The following PCMT1 variants were observed in gnomAD, a reference collection of about 807,000 sequenced individuals.
PCMT1 encodes protein-L-isoaspartate (D-aspartate) O-methyltransferase.
Under a neutral mutation model 29.2 loss-of-function variants are expected in PCMT1, and 9 were observed. The ratio of observed to expected loss-of-function variants is 0.31; its 90% CI spans 0.19 to 0.54. The LOEUF is 0.54. Ranked by LOEUF, PCMT1 falls within the 20% of genes least tolerant of loss-of-function variation. The pLI, the probability that PCMT1 is intolerant of heterozygous loss-of-function variation, is 0.95. For missense variants in PCMT1, 184 were observed against 282.2 expected (o/e 0.65, Z 2.49); for synonymous variants, 98 against 97.5 (o/e 1.00, Z -0.03).
At chr6:149,762,544 C>G (rs1405401455) in intron 1 of PCMT1, among the ~76,000 whole-genome samples, 5 of 9,530 alleles carry the variant, frequency 5.2e-4, no homozygotes, top group African/African-American at 7.8e-4. Context: ...ATATATATAT[C>G]TATGATATAT....
At chr6:149,786,490 C>T (rs1788091469) in intron 3 of PCMT1, among the ~76,000 whole-genome samples, 1 of 136,932 alleles carries the variant, frequency 7.3e-6, no homozygotes, top group African/African-American at 3.0e-5. Flanking sequence ...GGGTGGCTGC[C>T]AGGCGGAGGG....
intron 4 of PCMT1, among the ~76,000 whole-genome samples, chr6:149,792,088 G>A (rs1271786597): frequency 6.6e-6 from 1 of 152,198 alleles, no homozygotes; most frequent in Admixed American, 6.5e-5. Flanking sequence ...GCCGAGGCAG[G>A]TGGATCACCT....
chr6:149,806,580 TTTTTGTTTTGTTTTA>T (rs1455031982), intron 7 of PCMT1, among the ~76,000 whole-genome samples: 3 of 151,970 alleles, frequency 2.0e-5, no homozygotes, highest in Non-Finnish European at 2.9e-5. Flanking sequence ...TCCGTTTTTG[TTTTTGTTTTGTTTTA>T]TTTTGTTTTG....
chr6:149,753,524 G>T (rs1310280080), intron 1 of PCMT1, among the ~76,000 whole-genome samples: 3 of 152,106 alleles, frequency 2.0e-5, no homozygotes, highest in African/African-American at 7.2e-5. Context: ...TAGAGACAAG[G>T]TTTCTCCATG....
chr6:149,806,878 C>T (rs1776033495), intron 7 of PCMT1, among the ~76,000 whole-genome samples: 1 of 152,190 alleles, frequency 6.6e-6, no homozygotes, highest in Admixed American at 6.5e-5. Context: ...AGGCTTGAGC[C>T]ACCAGCCTCA....
At chr6:149,782,779 CAG>C (rs540143124) in intron 3 of PCMT1, among the ~76,000 whole-genome samples, 58 of 151,408 alleles carry the variant, frequency 3.8e-4, no homozygotes, top group Non-Finnish European at 6.8e-4. Flanking sequence ...AAGAGCAAGA[CAG>C]GGAAAAAAGC....
At chr6:149,781,204 G>GT (rs1408665915) in intron 3 of PCMT1, among the ~76,000 whole-genome samples, 45 of 24,366 alleles carry the variant, frequency 1.8e-3, no homozygotes, top group South Asian at 0.013. Context: ...TTTTTTTTTT[G>GT]TTTTTTTTTT....
intron 6 of PCMT1, chr6:149,799,051 C>G (rs531116145): frequency 6.6e-6 from 1 of 152,238 alleles, no homozygotes; most frequent in Non-Finnish European, 1.5e-5. Context: ...GGTGTGGTGG[C>G]TCACACTTCT....
Position 149,771,199 on chromosome 6 carries a change from G to A in PCMT1, c.93G>A (p.Val31=). The A allele has an allele frequency of 6.2e-7, 1 of 1,612,916 alleles. No individual in the cohort carries two copies. Among genetic ancestry groups the A allele is most frequent in the Non-Finnish European group, 8.5e-7 (1 of 1,179,106 alleles). The change falls in exon 2 of 8, where the codon GTG becomes GTA. Residue 31 remains valine, a synonymous_variant. Coordinates refer to ENST00000464889, the MANE Select transcript of PCMT1 (RefSeq NM_001360452.2). ...TCAAGACAGATAAAGTATTTGAAGT[G>A]ATGCTGGCTACAGACCGCTCCCACT... ...GIIKTDKVFE[V]MLATDRSHYA... is the part of the protein sequence containing the mutation.
intron 1 of PCMT1, among the ~76,000 whole-genome samples, chr6:149,769,213 C>A (rs558675568): frequency 9.3e-5 from 14 of 151,234 alleles, no homozygotes; most frequent in Non-Finnish European, 1.9e-4. Context: ...TTGTGTACCC[C>A]CTCCTGTTAG....
intron 4 of PCMT1, among the ~76,000 whole-genome samples, chr6:149,790,983 G>GCAA (rs370536400): frequency 1.3e-5 from 2 of 151,968 alleles, no homozygotes; most frequent in African/African-American, 4.8e-5. Flanking sequence ...TCCAGCCTGG[G>GCAA]CAACAACAAC....
chr6:149,787,302 T>TGGGGAGAGGGAG (rs1331187250), intron 3 of PCMT1, among the ~76,000 whole-genome samples: 1 of 145,384 alleles, frequency 6.9e-6, no homozygotes, highest in Non-Finnish European at 1.5e-5. Context: ...AGGGAGACCG[T>TGGGGAGAGGGAG]GGGGAGAGGG....
rs766527390 is a variant in PCMT1, at chr6:149,802,184, T to G, written c.505-16T>G. On this transcript the variant is annotated splice_polypyrimidine_tract_variant and intron_variant, in intron 6 of 7. Transcript: ENST00000464889. ...TGTAACTTGGTGATGTATGTGCTTT[T>G]TTTTTTTTCTTTTAGCTAATAGATC... The G allele has an allele frequency of 2.6e-6, 4 of 1,533,272 alleles. No homozygotes were observed. Among genetic ancestry groups the G allele is most frequent in the Non-Finnish European group, 3.5e-6 (4 of 1,135,756 alleles). The allele number at this position is 1,533,272 out of a possible 1,614,324, so 95.0% of individuals were successfully genotyped here.
intron 2 of PCMT1, chr6:149,772,147 A>G (rs540027239): frequency 1.1e-4 from 52 of 455,912 alleles, no homozygotes; most frequent in South Asian, 7.9e-4. Context: ...CTTTTGACGC[A>G]CTATAACAGT....
chr6:149,782,886 G>A (rs1403786861), intron 3 of PCMT1, among the ~76,000 whole-genome samples: 1 of 152,164 alleles, frequency 6.6e-6, no homozygotes, highest in Non-Finnish European at 1.5e-5. Context: ...GCTGGGTGCA[G>A]TGGCTGATGC....
chr6:149,758,875 A>C (rs9480031), intron 1 of PCMT1, among the ~76,000 whole-genome samples: 66,316 of 151,532 alleles, frequency 0.44, 15,487 homozygotes, highest in East Asian at 0.81. Context: ...TTATATTGTG[A>C]ATTTTTTTTT....
chr6:149,762,830 ATG>A lies in PCMT1; in HGVS notation c.56-8331_56-8330del, dbSNP rs1221873050. Among the ~76,000 whole-genome samples, 4 of 54,418 alleles carry A rather than the reference ATG, an allele frequency of 7.4e-5. 1 individual carries two copies. Among genetic ancestry groups the A allele is most frequent in the African/African-American group, 3.6e-4 (2 of 5,568 alleles). The allele number at this position is 54,418 out of a possible 152,430, so 35.7% of individuals were successfully genotyped here. A position where few individuals can be genotyped will look rare whatever the true frequency, so the allele number is the denominator to read the frequency against. On this transcript the variant is annotated intron_variant, in intron 1 of 7. Coordinates refer to ENST00000464889, the MANE Select transcript of PCMT1 (RefSeq NM_001360452.2). ...ATATCTATGATAATCTATGATATAT[ATG>A]ATATATATATCTATGATATATATCT...
chr6:149,787,327 C>G (rs1292034157), intron 3 of PCMT1, among the ~76,000 whole-genome samples: 1 of 133,816 alleles, frequency 7.5e-6, no homozygotes, highest in East Asian at 2.9e-4. Flanking sequence ...GGAGAGGGAG[C>G]GGGAGCGGGA....
chr6:149,802,509 A>G, intron 7 of PCMT1, 93 bp downstream of exon 7: 1 of 1,304,976 alleles, frequency 7.7e-7, no homozygotes, highest in African/African-American at 1.5e-5. Context: ...GAAATTCATT[A>G]CATTAAAAAT....
Sources: gnomAD v4.1 joint callset for allele counts (sites outside exome capture counted in the v4.1 genomes callset) on GRCh38, gnomAD v4.1.1 for gene constraint, MANE v1.5 for transcripts, NCBI Gene and HGNC (gene_info 2026-07-23, HGNC 2026-07-21) for gene names.